The following ASB18 variants were observed in gnomAD, a reference collection of about 807,000 sequenced individuals.
ASB18 encodes the protein ankyrin repeat and SOCS box containing 18.
A neutral mutation model predicts 33.4 loss-of-function variants in ASB18; 33 were observed. That is an observed-to-expected ratio of 0.99 (90% CI 0.75 to 1.32). The LOEUF (loss-of-function observed/expected upper bound fraction) is 1.32, where lower values mean the gene tolerates loss of function less well. ASB18 is among the 40% of genes most tolerant of loss of function. ASB18 has a pLI of 0.00. For missense variants in ASB18, 694 were observed against 655.5 expected, an observed-to-expected ratio of 1.06 and a Z score of -0.64; for synonymous variants, 295 against 307.6, an observed-to-expected ratio of 0.96 and a Z score of 0.43.
rs1328181603 is a variant in ASB18 at position 236,252,373 on chromosome 2, C to T, written c.206-10971G>A. ...GGAGGGCAGACGTGGCCACCATCAA[C>T]TAGCGGTGGAATCAGATCACTGCTA... On this transcript the variant is annotated intron_variant, in intron 1 of 5. Coordinates refer to ENST00000409749, the MANE Select transcript of ASB18 (RefSeq NM_212556.4). This position sits in a 1 kb window ranked among gnomAD's most constrained non-coding sequence, Gnocchi z 7.9. Among the ~76,000 whole-genome samples the T allele has an allele frequency of 6.6e-6, 1 of 151,706 alleles. No individual in the cohort carries two copies. Among genetic ancestry groups the T allele is most frequent in the Non-Finnish European group, 1.5e-5 (1 of 67,976 alleles).
intron 3 of ASB18, among the ~76,000 whole-genome samples, chr2:236,227,123 C>A (rs541767112): frequency 6.6e-6 from 1 of 152,184 alleles, no homozygotes; most frequent in Non-Finnish European, 1.5e-5. Context: ...ATAAATATAG[C>A]CATGCATTTT....
rs984431996 is a variant in ASB18, at chr2:236,195,362, C to T, written c.1216-305G>A. On this transcript the variant is annotated intron_variant, in intron 5 of 5. Coordinates refer to ENST00000409749, the MANE Select transcript of ASB18 (RefSeq NM_212556.4). This position sits in a 1 kb window ranked among gnomAD's most constrained non-coding sequence, Gnocchi z 5.5. ...TCTTTGCACAGCAGCCCTACAGCTC[C>T]GGGGTGGCCCTGTTCATCTCCCCAA... is the stretch of plus-strand genomic sequence containing the variant. 6.6e-6 allele frequency among the ~76,000 whole-genome samples: 1 copy of T among 152,082 alleles called. No individual in the cohort carries two copies. Among genetic ancestry groups the T allele is most frequent in the Non-Finnish European group, 1.5e-5 (1 of 68,006 alleles).
Position 236,244,987 on chromosome 2 carries a change from G to T in ASB18, c.206-3585C>A, listed in dbSNP as rs1254634832. Among the ~76,000 whole-genome samples the T allele has an allele frequency of 1.3e-5, 2 of 152,160 alleles. No individual in the cohort carries two copies. The highest frequency in any genetic ancestry group is 2.9e-5 in the Non-Finnish European group (2 of 68,024). On this transcript the variant is annotated intron_variant, in intron 1 of 5. Coordinates refer to ENST00000409749, the MANE Select transcript of ASB18 (RefSeq NM_212556.4). The surrounding 1 kb of genome is among the most constrained non-coding windows in gnomAD (Gnocchi z 6.1). The stretch of plus-strand genomic sequence containing the variant: ...GGGCTGCAGTGGTGCTGGGTGGGGA[G>T]GGATGAGGCCACGTTTGGCAGTCTA...
Position 236,241,499 on chromosome 2 carries a change from C to T in ASB18, c.206-97G>A. On this transcript the variant is annotated intron_variant, in intron 1 of 5. Transcript: ENST00000409749. This position sits in a 1 kb window ranked among gnomAD's most constrained non-coding sequence, Gnocchi z 4.2. Reference sequence around the variant, plus strand: ...TGAAATATTTGAAGTTTTCCTCTCACTGGCCCTGGCTGTCTCTCCATTGAG... The same window carrying T: ...TGAAATATTTGAAGTTTTCCTCTCATTGGCCCTGGCTGTCTCTCCATTGAG... 2 of 1,418,354 alleles carry T rather than the reference C, an allele frequency of 1.4e-6. No individual in the cohort carries two copies. Among genetic ancestry groups the T allele is most frequent in the Non-Finnish European group, 2.0e-6 (2 of 1,020,372 alleles). The allele number at this position is 1,418,354 out of a possible 1,614,324, so 87.9% of individuals were successfully genotyped here. A position where few individuals can be genotyped will look rare whatever the true frequency, so the allele number is the denominator to read the frequency against.
rs538872476 is a variant in ASB18, at chr2:236,193,978, C to T, written c.*894G>A. ...GAGCACCCTGCGATGGAATAGCACC[C>T]CGTCCAGGCCTGGTTCCTGCCCTGC... is the stretch of plus-strand genomic sequence containing the variant. On this transcript the variant is annotated 3_prime_UTR_variant, in exon 6 of 6. Coordinates refer to ENST00000409749, the MANE Select transcript of ASB18 (RefSeq NM_212556.4). This position sits in a 1 kb window ranked among gnomAD's most constrained non-coding sequence, Gnocchi z 5.0. Among the ~76,000 whole-genome samples the T allele has an allele frequency of 2.1e-3, 314 of 152,208 alleles. 2 individuals carry two copies. Among genetic ancestry groups the T allele is most frequent in the African/African-American group, 7.0e-3 (289 of 41,514 alleles).
intron 2 of ASB18, among the ~76,000 whole-genome samples, chr2:236,240,111 G>A (rs1349988888): frequency 1.3e-5 from 2 of 152,218 alleles, no homozygotes; most frequent in Admixed American, 6.5e-5. Context: ...GCAAATGATG[G>A]GTGAACATGA....
chr2:236,258,406 A>G (rs1400209341), intron 1 of ASB18, among the ~76,000 whole-genome samples: 2 of 152,256 alleles, frequency 1.3e-5, no homozygotes, highest in African/African-American at 4.8e-5. Flanking sequence ...CACACAGGTC[A>G]CGGGAGAGCT....
rs2060472323 is a variant in ASB18 at position 236,214,171 on chromosome 2, C to T, written c.1101+191G>A. On this transcript the variant is annotated intron_variant, in intron 4 of 5. Coordinates refer to ENST00000409749, the MANE Select transcript of ASB18 (RefSeq NM_212556.4). This position sits in a 1 kb window ranked among gnomAD's most constrained non-coding sequence, Gnocchi z 6.5. ...GTCCCAGGAACAGCAGTCTAGGCCACACCCGGGAGCTTGTTGGCAATGCAG... is the reference window on the plus strand; with the variant it reads ...GTCCCAGGAACAGCAGTCTAGGCCATACCCGGGAGCTTGTTGGCAATGCAG... 4.9e-6 allele frequency: 3 copies of T among 617,442 alleles called. No individual in the cohort carries two copies. 38.2% of individuals were successfully genotyped at this position (617,442 alleles called of 1,614,324 possible). A position where few individuals can be genotyped will look rare whatever the true frequency, so the allele number is the denominator to read the frequency against.
At position 236,260,951 on chromosome 2, in the gene ASB18, C is replaced by A. The variant is rs1222801845; in HGVS notation, c.205+3190G>T. Among the ~76,000 whole-genome samples the A allele has an allele frequency of 6.6e-6, 1 of 152,084 alleles. No homozygotes were observed. Among genetic ancestry groups the A allele is most frequent in the Non-Finnish European group, 1.5e-5 (1 of 68,028 alleles). On this transcript the variant is annotated intron_variant, in intron 1 of 5. Coordinates refer to ENST00000409749, the MANE Select transcript of ASB18 (RefSeq NM_212556.4). The surrounding 1 kb of genome is among the most constrained non-coding windows in gnomAD (Gnocchi z 5.1). ...GGGAAGCACTAATCTAATCTCATAC[C>A]CTCGTTAATAAATGGAGACGTTGGT...
chr2:236,218,797 CAAAAA>C (rs574423455), intron 3 of ASB18, among the ~76,000 whole-genome samples: 2 of 91,596 alleles, frequency 2.2e-5, no homozygotes, highest in Admixed American at 1.2e-4. Context: ...GACTCCATCT[CAAAAA>C]AAAAAAAAAA....
rs1240613137 is a variant in ASB18 at position 236,248,410 on chromosome 2, T to A, written c.206-7008A>T. On this transcript the variant is annotated intron_variant, in intron 1 of 5. Coordinates refer to ENST00000409749, the MANE Select transcript of ASB18 (RefSeq NM_212556.4). The surrounding 1 kb of genome is among the most constrained non-coding windows in gnomAD (Gnocchi z 4.9). ...GAGTTTGAGATCAGCCTGGCCAACA[T>A]AGTGAAACCCTGTCTCTACTAAAAA... The A allele has an allele frequency of 1.3e-5, 2 of 152,008 alleles. No individual in the cohort carries two copies. The highest frequency in any genetic ancestry group is 2.9e-5 in the Non-Finnish European group (2 of 68,056). The allele number at this position is 152,008 out of a possible 1,614,324, so 9.4% of individuals were successfully genotyped here.
In ASB18 at chr2:236,259,458, A is replaced by G. The variant is rs1299537797; in HGVS notation, c.205+4683T>C. 3 of 463,942 alleles carry G rather than the reference A, an allele frequency of 6.5e-6. No individual in the cohort carries two copies. Among genetic ancestry groups the G allele is most frequent in the Middle Eastern group, 3.3e-4 (1 of 3,068 alleles). 28.7% of individuals were successfully genotyped at this position (463,942 alleles called of 1,614,324 possible). Reference sequence around the variant, plus strand: ...ATATAAAAAGCAGCCTAGCAAGGCCATGCACTTCCGTAATGGATGGAGACT... The same window carrying G: ...ATATAAAAAGCAGCCTAGCAAGGCCGTGCACTTCCGTAATGGATGGAGACT... On this transcript the variant is annotated intron_variant, in intron 1 of 5. Transcript: ENST00000409749. The surrounding 1 kb of genome is among the most constrained non-coding windows in gnomAD (Gnocchi z 4.4).
chr2:236,260,321 G>A lies in ASB18; in HGVS notation c.205+3820C>T, dbSNP rs1313168975. Among the ~76,000 whole-genome samples the A allele has an allele frequency of 6.6e-6, 1 of 152,034 alleles. No individual in the cohort carries two copies. The highest frequency in any genetic ancestry group is 2.4e-5 in the African/African-American group (1 of 41,386). On this transcript the variant is annotated intron_variant, in intron 1 of 5. Transcript: ENST00000409749. The surrounding 1 kb of genome is among the most constrained non-coding windows in gnomAD (Gnocchi z 5.1). Reference sequence around the variant, plus strand: ...ATCACCAGCTCTGCCCCCTCTCTTGGCCCAGCCCTGTTTTCCTGTGTTATC... The same window carrying A: ...ATCACCAGCTCTGCCCCCTCTCTTGACCCAGCCCTGTTTTCCTGTGTTATC...
In ASB18 at chr2:236,257,947, G is replaced by C. The variant is rs2060700381; in HGVS notation, c.205+6194C>G. ...GGAGATGCTCTCACCTGTTCTCCAG[G>C]GAACAGCAGGGACTTGCGGCATTGC... On this transcript the variant is annotated intron_variant, in intron 1 of 5. Transcript: ENST00000409749. This position sits in a 1 kb window ranked among gnomAD's most constrained non-coding sequence, Gnocchi z 5.5. Among the ~76,000 whole-genome samples, 1 of 152,200 alleles carries C rather than the reference G, an allele frequency of 6.6e-6. No individual in the cohort carries two copies. Among genetic ancestry groups the C allele is most frequent in the Non-Finnish European group, 1.5e-5 (1 of 68,042 alleles).
rs945547295 is a variant in ASB18 at position 236,216,966 on chromosome 2, G to T, written c.597-2100C>A. On this transcript the variant is annotated intron_variant, in intron 3 of 5. Coordinates refer to ENST00000409749, the MANE Select transcript of ASB18 (RefSeq NM_212556.4). The surrounding 1 kb of genome is among the most constrained non-coding windows in gnomAD (Gnocchi z 6.1). ...CCATGCCCTCTGCTTGCTCCTTCCA[G>T]GTTGCCCCGCTGCACGTGATGGCCC... is the stretch of plus-strand genomic sequence containing the variant. Among the ~76,000 whole-genome samples the T allele has an allele frequency of 6.6e-6, 1 of 152,078 alleles. No homozygotes were observed. The highest frequency in any genetic ancestry group is 2.4e-5 in the African/African-American group (1 of 41,414).
rs904263571 is a variant in ASB18 at position 236,241,810 on chromosome 2, C to T, written c.206-408G>A. ...AAAGCAGCTCTCCATGCACCGAGGG[C>T]AGACTCCCAGCACACATTTAATTGT... On this transcript the variant is annotated intron_variant, in intron 1 of 5. Transcript: ENST00000409749. This position sits in a 1 kb window ranked among gnomAD's most constrained non-coding sequence, Gnocchi z 4.2. Among the ~76,000 whole-genome samples the T allele has an allele frequency of 1.3e-5, 2 of 152,164 alleles. No individual in the cohort carries two copies. The highest frequency in any genetic ancestry group is 2.9e-5 in the Non-Finnish European group (2 of 68,028).
chr2:236,241,167 G>A lies in ASB18; in HGVS notation c.328+113C>T. 9.5e-7 allele frequency: 1 copy of A among 1,048,184 alleles called. No homozygotes were observed. The highest frequency in any genetic ancestry group is 1.4e-6 in the Non-Finnish European group (1 of 700,604). The allele number at this position is 1,048,184 out of a possible 1,614,324, so 64.9% of individuals were successfully genotyped here. A position where few individuals can be genotyped will look rare whatever the true frequency, so the allele number is the denominator to read the frequency against. On this transcript the variant is annotated intron_variant, in intron 2 of 5. Transcript: ENST00000409749. The surrounding 1 kb of genome is among the most constrained non-coding windows in gnomAD (Gnocchi z 4.2). ...ACTTCATCAGATGTCCTTTTCTTGT[G>A]TACGTTAAACCCAGTGCCACTGTGC...
At chr2:236,227,285 G>A (rs1285643699) in intron 3 of ASB18, among the ~76,000 whole-genome samples, 1 of 152,074 alleles carries the variant, frequency 6.6e-6, no homozygotes, top group African/African-American at 2.4e-5. Context: ...TAACTATGGA[G>A]ATAAAGGAAA....
In ASB18 at chr2:236,222,217, T is replaced by C. The variant is rs961689395; in HGVS notation, c.597-7351A>G. On this transcript the variant is annotated intron_variant, in intron 3 of 5. Transcript: ENST00000409749. The surrounding 1 kb of genome is among the most constrained non-coding windows in gnomAD (Gnocchi z 5.5). ...ATCTACCCCTTTCTGTTCTGCATTTTCTTTTCTCTCCCTCTCTCCCGGGAT... is the reference window on the plus strand; with the variant it reads ...ATCTACCCCTTTCTGTTCTGCATTTCCTTTTCTCTCCCTCTCTCCCGGGAT... 6.6e-6 allele frequency among the ~76,000 whole-genome samples: 1 copy of C among 152,214 alleles called. No individual in the cohort carries two copies.
Sources: gnomAD v4.1 joint callset for allele counts (sites outside exome capture counted in the v4.1 genomes callset) on GRCh38, gnomAD v4.1.1 for gene constraint, Gnocchi (gnomAD v3.1) non-coding constraint, MANE v1.5 for transcripts, NCBI Gene and HGNC (gene_info 2026-07-23, HGNC 2026-07-21) for gene names.